Variants in NDUFAF6 observed in about 807,000 individuals in gnomAD.
NDUFAF6 encodes NADH:ubiquinone oxidoreductase complex assembly factor 6.
NDUFAF6 carries 45 observed loss-of-function variants against 40.8 expected under a neutral mutation model. The observed-to-expected ratio is 1.10, with a 90% confidence interval of 0.87 to 1.42. NDUFAF6 has a LOEUF of 1.42. Ranked by LOEUF, NDUFAF6 falls within the 40% of genes most tolerant of loss-of-function variation. NDUFAF6 has a pLI of 0.00. For synonymous variants in NDUFAF6, 185 were observed against 155.9 expected, an observed-to-expected ratio of 1.19 and a Z score of -1.39; for missense variants, 435 against 418.5, an observed-to-expected ratio of 1.04 and a Z score of -0.34.
chr8:95,082,321 T>G (rs1808897524), intron 2 of NDUFAF6, among the ~76,000 whole-genome samples: 1 of 151,688 alleles, frequency 6.6e-6, no homozygotes, highest in African/African-American at 2.4e-5. Flanking sequence ...ATTAAAAAAA[T>G]AAAAAAGAAA....
At chr8:95,093,727 C>T (rs1171419298) in intron 2 of NDUFAF6, among the ~76,000 whole-genome samples, 1 of 152,160 alleles carries the variant, frequency 6.6e-6, no homozygotes, top group South Asian at 2.1e-4. Context: ...TTAATTTTGC[C>T]TCAGTTTCTT....
intron 2 of NDUFAF6, chr8:95,102,931 A>T (rs530789788): frequency 6.6e-6 from 1 of 152,306 alleles, no homozygotes; most frequent in East Asian, 1.9e-4. Flanking sequence ...GAGGCAATAA[A>T]CTGACAGCCG....
chr8:95,117,101 A>G (rs1810151597), downstream of NDUFAF6, among the ~76,000 whole-genome samples: 3 of 152,346 alleles, frequency 2.0e-5, no homozygotes, highest in South Asian at 6.2e-4. Context: ...GGAGCATGGG[A>G]TACCCTGCTG....
At chr8:94,908,456 A>G (rs972327252) in intron 1 of NDUFAF6, among the ~76,000 whole-genome samples, 2 of 152,066 alleles carry the variant, frequency 1.3e-5, no homozygotes, top group Non-Finnish European at 2.9e-5. Context: ...TATGGACTCA[A>G]CCTCCTGGGC....
chr8:95,016,404 A>G (rs1827447867), intron 2 of NDUFAF6, among the ~76,000 whole-genome samples: 1 of 152,218 alleles, frequency 6.6e-6, no homozygotes, highest in Non-Finnish European at 1.5e-5. Context: ...GGCGTCTGCT[A>G]AGTGAAGGAT....
chr8:95,052,440 G>A (rs1224836299), intron 8 of NDUFAF6, among the ~76,000 whole-genome samples: 1 of 152,148 alleles, frequency 6.6e-6, no homozygotes, highest in Non-Finnish European at 1.5e-5. Flanking sequence ...TTTTTAGCAC[G>A]GACTTTGCAG....
intron 2 of NDUFAF6, among the ~76,000 whole-genome samples, chr8:95,091,129 C>T (rs772899096): frequency 4.0e-5 from 6 of 151,514 alleles, no homozygotes; most frequent in Admixed American, 6.6e-5. Context: ...CCTTTCCATT[C>T]GCCAAACACC....
At chr8:95,040,639 G>C (rs773994465) in intron 3 of NDUFAF6, 1 of 152,084 alleles carries the variant, frequency 6.6e-6, no homozygotes, top group Non-Finnish European at 1.5e-5. Flanking sequence ...TTAATTATTG[G>C]TGTAGACTCA....
intron 2 of NDUFAF6, among the ~76,000 whole-genome samples, chr8:95,002,290 T>A (rs914559446): frequency 1.1e-4 from 17 of 152,244 alleles, no homozygotes; most frequent in Admixed American, 1.3e-4. Flanking sequence ...CTATTATTCA[T>A]TTTCTATTCA....
intron 1 of NDUFAF6, among the ~76,000 whole-genome samples, chr8:94,898,542 C>T (rs1458799154): frequency 6.6e-6 from 1 of 152,184 alleles, no homozygotes; most frequent in Non-Finnish European, 1.5e-5. Flanking sequence ...TTCATACCGA[C>T]ATCATGATTT....
chr8:94,939,903 CCTCA>C (rs1367175033), intron 1 of NDUFAF6: 1 of 1,613,852 alleles, frequency 6.2e-7, no homozygotes, highest in Non-Finnish European at 8.5e-7. Flanking sequence ...CCACGGGTGG[CCTCA>C]CTGAGACCAG....
intron 2 of NDUFAF6, among the ~76,000 whole-genome samples, chr8:95,006,678 C>G (rs1267463470): frequency 1.6e-4 from 24 of 151,888 alleles, no homozygotes; most frequent in Admixed American, 1.6e-3. Flanking sequence ...CTTAAGAGTT[C>G]GAGACCAGCC....
chr8:94,915,762 C>T (rs573678344), intron 1 of NDUFAF6, among the ~76,000 whole-genome samples: 8 of 152,248 alleles, frequency 5.3e-5, no homozygotes, highest in African/African-American at 1.7e-4. Flanking sequence ...CAGAATGAGA[C>T]CAGAACAGGT....
intron 1 of NDUFAF6, among the ~76,000 whole-genome samples, chr8:94,979,699 G>T (rs183097054): frequency 6.6e-6 from 1 of 152,262 alleles, no homozygotes; most frequent in East Asian, 1.9e-4. Flanking sequence ...CCTTGAAAAT[G>T]TTTATGACAT....
chr8:95,111,343 C>G (rs773176653), intron 4 of NDUFAF6, among the ~76,000 whole-genome samples: 3 of 152,182 alleles, frequency 2.0e-5, no homozygotes, highest in Admixed American at 6.5e-5. Flanking sequence ...ACTTCACAAA[C>G]ATCACAGAAA....
intron 1 of NDUFAF6, among the ~76,000 whole-genome samples, chr8:94,906,604 T>C (rs1818407466): frequency 6.6e-6 from 1 of 152,178 alleles, no homozygotes; most frequent in Non-Finnish European, 1.5e-5. Flanking sequence ...CTAGGGTCAC[T>C]GTGTCAAAGA....
intron 4 of NDUFAF6, among the ~76,000 whole-genome samples, chr8:95,111,631 A>G (rs1810000854): frequency 6.6e-6 from 1 of 152,130 alleles, no homozygotes; most frequent in Non-Finnish European, 1.5e-5. Flanking sequence ...GCATTCCTCC[A>G]GGCACACACA....
upstream of NDUFAF6, among the ~76,000 whole-genome samples, chr8:94,957,415 G>T (rs1029914931): frequency 2.0e-5 from 3 of 152,162 alleles, no homozygotes; most frequent in Non-Finnish European, 4.4e-5. Flanking sequence ...TGGGCCCAGG[G>T]CTCTGACATT....
At chr8:95,103,886 C>G (rs1809733382), downstream of NDUFAF6, among the ~76,000 whole-genome samples, 1 of 152,148 alleles carries the variant, frequency 6.6e-6, no homozygotes, top group Admixed American at 6.5e-5. Context: ...ATTGATTGGG[C>G]TTACCATTAA....
Sources: gnomAD v4.1 joint callset for allele counts (sites outside exome capture counted in the v4.1 genomes callset) on GRCh38, gnomAD v4.1.1 for gene constraint, MANE v1.5 for transcripts, NCBI Gene and HGNC (gene_info 2026-07-23, HGNC 2026-07-21) for gene names.